Variants in PTPRD observed in about 807,000 individuals in gnomAD.
PTPRD encodes protein tyrosine phosphatase receptor type D, also known as receptor-type tyrosine-protein phosphatase delta.
A neutral mutation model predicts 214.5 loss-of-function variants in PTPRD; 34 were observed. That is an observed-to-expected ratio of 0.16 (90% CI 0.12 to 0.21). The LOEUF is 0.21. PTPRD is among the 10% of genes least tolerant of loss of function. The pLI, the probability that PTPRD is intolerant of heterozygous loss-of-function variation, is 1.00. For missense variants in PTPRD, 2,545 were observed against 2,398.7 expected (o/e 1.06, Z -1.27); for synonymous variants, 1,128 against 845.7 (o/e 1.33, Z -5.79).
intron 39 of PTPRD, among the ~76,000 whole-genome samples, chr9:8,358,682 T>C (rs963508210): frequency 6.6e-6 from 1 of 152,214 alleles, no homozygotes; most frequent in Non-Finnish European, 1.5e-5. Flanking sequence ...GAATTGAATA[T>C]TTTAATTCAG....
chr9:10,527,580 A>G (rs1262331892), intron 2 of PTPRD, among the ~76,000 whole-genome samples: 2 of 152,162 alleles, frequency 1.3e-5, no homozygotes, highest in Admixed American at 1.3e-4. Flanking sequence ...GCTTAAAACC[A>G]CAAAGAACAC....
rs1821023221 is a variant in PTPRD, at chr9:8,315,209, G to A, written c.*2665C>T. On this transcript the variant is annotated 3_prime_UTR_variant, in exon 46 of 46. Coordinates refer to ENST00000381196, the MANE Select transcript of PTPRD (RefSeq NM_002839.4). ...CACATCAATGACAGTAAGGGAGTTA[G>A]TTCTAGGAACAGCTCCTGAACAGTA... 4.3e-6 allele frequency: 1 copy of A among 232,702 alleles called. No homozygotes were observed. Among genetic ancestry groups the A allele is most frequent in the African/African-American group, 2.2e-5 (1 of 45,370 alleles). 14.4% of individuals were successfully genotyped at this position (232,702 alleles called of 1,614,324 possible). A position where few individuals can be genotyped will look rare whatever the true frequency, so the allele number is the denominator to read the frequency against.
intron 3 of PTPRD, among the ~76,000 whole-genome samples, chr9:10,213,979 A>G (rs890653637): frequency 2.6e-5 from 4 of 152,136 alleles, no homozygotes; most frequent in East Asian, 1.9e-4. Flanking sequence ...CTCCTTCCCT[A>G]TTTCAATCCC....
chr9:9,654,820 C>T (rs1473671385), intron 7 of PTPRD, among the ~76,000 whole-genome samples: 2 of 152,128 alleles, frequency 1.3e-5, no homozygotes, highest in East Asian at 3.8e-4. Flanking sequence ...ATGACTTTCT[C>T]TCTTTAACTG....
chr9:10,234,307 A>G (rs1312987790), intron 3 of PTPRD, among the ~76,000 whole-genome samples: 1 of 151,914 alleles, frequency 6.6e-6, no homozygotes, highest in African/African-American at 2.4e-5. Flanking sequence ...AAATAGACCT[A>G]TTAAGAAGAC....
intron 5 of PTPRD, among the ~76,000 whole-genome samples, chr9:9,937,237 A>G (rs1318707876): frequency 6.7e-6 from 1 of 149,624 alleles, no homozygotes; most frequent in Non-Finnish European, 1.5e-5. Flanking sequence ...ATAAAAAAAA[A>G]TAAAAAATAA....
intron 7 of PTPRD, among the ~76,000 whole-genome samples, chr9:9,655,201 A>G (rs1175820915): frequency 6.6e-6 from 1 of 152,220 alleles, no homozygotes; most frequent in East Asian, 1.9e-4. Flanking sequence ...TGCACAAGAT[A>G]TAGCTGATAA....
chr9:9,019,334 AAGAACGAAAGAAAG>A lies in PTPRD; in HGVS notation c.-142-613_-142-600del, dbSNP rs200104739. Among the ~76,000 whole-genome samples the A allele has an allele frequency of 0.025, 682 of 27,258 alleles. 26 individuals carry two copies. In the South Asian group the frequency reaches 0.29, roughly 12 times the overall value. 17.9% of individuals were successfully genotyped at this position (27,258 alleles called of 152,430 possible). On this transcript the variant is annotated intron_variant, in intron 10 of 45. Coordinates refer to ENST00000381196, the MANE Select transcript of PTPRD (RefSeq NM_002839.4). ...AAAGAAAGAAAGAAAGAAAGAAAGAAAGAACGAAAGAAAGAAAGAAAGAAAGAATCTGAATTTTA... is the reference window on the plus strand; with the variant it reads ...AAAGAAAGAAAGAAAGAAAGAAAGAAAAAGAAAGAAAGAATCTGAATTTTA...
intron 12 of PTPRD, among the ~76,000 whole-genome samples, chr9:8,711,263 CAT>C (rs138392009): frequency 0.24 from 35,820 of 151,658 alleles, 4,484 homozygotes; most frequent in African/African-American, 0.31. Context: ...TTTATTCAAA[CAT>C]ATAATTATAC....
intron 7 of PTPRD, among the ~76,000 whole-genome samples, chr9:9,642,081 A>T (rs369458140): frequency 1.4e-5 from 2 of 147,792 alleles, no homozygotes; most frequent in Admixed American, 6.7e-5. Context: ...AATACTATGC[A>T]GCCATAAAAA....
At chr9:10,438,852 G>C (rs1485010757) in intron 2 of PTPRD, among the ~76,000 whole-genome samples, 1 of 151,710 alleles carries the variant, frequency 6.6e-6, no homozygotes, top group African/African-American at 2.4e-5. Context: ...ATGGGTAGCT[G>C]TCTGCTATTT....
At chr9:9,454,759 G>T (rs2092746018) in intron 8 of PTPRD, among the ~76,000 whole-genome samples, 1 of 151,084 alleles carries the variant, frequency 6.6e-6, no homozygotes, top group Non-Finnish European at 1.5e-5. Context: ...CAAACATTTA[G>T]CACCGACTAT....
intron 5 of PTPRD, among the ~76,000 whole-genome samples, chr9:9,777,324 T>TGC (rs965900933): frequency 3.7e-5 from 5 of 136,064 alleles, no homozygotes; most frequent in South Asian, 5.3e-4. Flanking sequence ...TGCACATACA[T>TGC]GCACACACAC....
chr9:10,035,902 T>C (rs2097171905), intron 3 of PTPRD, among the ~76,000 whole-genome samples: 1 of 133,704 alleles, frequency 7.5e-6, no homozygotes, highest in Non-Finnish European at 1.6e-5. Context: ...ACTTTGGCCC[T>C]TGTTCAGGAA....
chr9:9,103,313 T>C (rs182403932), intron 10 of PTPRD, among the ~76,000 whole-genome samples: 2 of 152,278 alleles, frequency 1.3e-5, no homozygotes, highest in Admixed American at 1.3e-4. Flanking sequence ...TTTTTTCCAT[T>C]GCACCAACTT....
intron 8 of PTPRD, among the ~76,000 whole-genome samples, chr9:9,525,794 A>T (rs140756652): frequency 1.6e-4 from 25 of 152,192 alleles, no homozygotes; most frequent in Admixed American, 1.5e-3. Flanking sequence ...CATATTTCTT[A>T]AATTTTATAC....
chr9:8,449,628 G>A lies in PTPRD; in HGVS notation c.3988+97C>T, dbSNP rs2095859703. 8 of 1,089,434 alleles carry A rather than the reference G, an allele frequency of 7.3e-6. No homozygotes were observed. In the South Asian group the frequency reaches 1.0e-4, roughly 14 times the overall value. 67.5% of individuals were successfully genotyped at this position (1,089,434 alleles called of 1,614,324 possible). On this transcript the variant is annotated intron_variant, in intron 34 of 45. Coordinates refer to ENST00000381196, the MANE Select transcript of PTPRD (RefSeq NM_002839.4). ...ATAAAAGAGCAGGATGAACAAAATG[G>A]CTCAAAATAAAGTGATACCTTCAAC...
intron 14 of PTPRD, among the ~76,000 whole-genome samples, chr9:8,581,094 T>C (rs1228540830): frequency 1.3e-5 from 2 of 152,102 alleles, no homozygotes; most frequent in Non-Finnish European, 2.9e-5. Flanking sequence ...GGAATGGCCC[T>C]AAGAATAAAC....
At chr9:10,093,495 GGTGGGAATCCAAATTA>G (rs1332799664) in intron 3 of PTPRD, among the ~76,000 whole-genome samples, 7 of 151,430 alleles carry the variant, frequency 4.6e-5, no homozygotes, top group African/African-American at 1.7e-4. Context: ...ATACTCTGTT[GGTGGGAATCCAAATTA>G]GTTCAGCCAC....
Sources: gnomAD v4.1 joint callset for allele counts (sites outside exome capture counted in the v4.1 genomes callset) on GRCh38, gnomAD v4.1.1 for gene constraint, MANE v1.5 for transcripts, NCBI Gene and HGNC (gene_info 2026-07-23, HGNC 2026-07-21) for gene names.